Variants in TP53RK observed in about 807,000 individuals in gnomAD.
TP53RK encodes EKC/KEOPS complex subunit TP53RK.
Under a neutral mutation model 14.9 loss-of-function variants are expected in TP53RK, and 17 were observed. The ratio of observed to expected loss-of-function variants is 1.14; its 90% CI spans 0.78 to 1.71. The LOEUF (loss-of-function observed/expected upper bound fraction) is 1.71. TP53RK is among the 40% of genes most tolerant of loss of function. TP53RK has a pLI of 0.00. For missense variants in TP53RK, 343 were observed against 332.0 expected, an observed-to-expected ratio of 1.03 and a Z score of -0.26; for synonymous variants, 131 against 138.0, an observed-to-expected ratio of 0.95 and a Z score of 0.36.
chr20:46,689,424 G>C lies in TP53RK; in HGVS notation c.-10C>G, dbSNP rs1321114638. Reference sequence around the variant, plus strand: ...CTCTGGCCGCCGCCATGACTGCTCGGCGCAACAGCTCCAACCGATCAGCTG... The same window carrying C: ...CTCTGGCCGCCGCCATGACTGCTCGCCGCAACAGCTCCAACCGATCAGCTG... On this transcript the variant is annotated 5_prime_UTR_variant, in exon 1 of 2. Coordinates refer to ENST00000372114, the MANE Select transcript of TP53RK (RefSeq NM_033550.4). 1 of 1,543,102 alleles carries C rather than the reference G, an allele frequency of 6.5e-7. No homozygotes were observed. The highest frequency in any genetic ancestry group is 1.2e-5 in the South Asian group (1 of 82,544).
chr20:46,689,245 G>A lies in TP53RK; in HGVS notation c.170C>T (p.Ala57Val). 6.5e-7 allele frequency: 1 copy of A among 1,532,436 alleles called. No individual in the cohort carries two copies. Among genetic ancestry groups the A allele is most frequent in the Non-Finnish European group, 8.7e-7 (1 of 1,146,100 alleles). The allele number at this position is 1,532,436 out of a possible 1,614,324, so 94.9% of individuals were successfully genotyped here. Residue 57 changes from alanine to valine, a missense_variant, in exon 1 of 2, where the codon GCG (alanine) becomes GTG (valine). Coordinates refer to ENST00000372114, the MANE Select transcript of TP53RK (RefSeq NM_033550.4). ...VFRGRFQGRA[A>V]VIKHRFPKGY... ...CTTGGGGAAGCGGTGCTTGATCACCGCCGCGCGGCCCTGGAAGCGGCCACG... is the reference window on the plus strand; with the variant it reads ...CTTGGGGAAGCGGTGCTTGATCACCACCGCGCGGCCCTGGAAGCGGCCACG...
Position 46,686,673 on chromosome 20 carries a change from C to A in TP53RK, c.*80G>T. ...AATATCTTAACACCTTTACTTAGAT[C>A]TCATCTCATACTTGTAGCATTTCTT... On this transcript the variant is annotated 3_prime_UTR_variant, in exon 2 of 2. Coordinates refer to ENST00000372114, the MANE Select transcript of TP53RK (RefSeq NM_033550.4). 8.6e-7 allele frequency: 1 copy of A among 1,169,422 alleles called. No individual in the cohort carries two copies. The highest frequency in any genetic ancestry group is 1.2e-6 in the Non-Finnish European group (1 of 805,842). The allele number at this position is 1,169,422 out of a possible 1,614,324, so 72.4% of individuals were successfully genotyped here.
rs568244503 is a variant in TP53RK at position 46,689,243 on chromosome 20, C to A, written c.172G>T (p.Val58Leu). The change falls in exon 1 of 2, where the codon GTG becomes TTG. Residue 58 changes from valine (V) to leucine (L), a missense_variant. Physicochemically the swap from Val to Leu is conservative, Grantham distance 32. Coordinates refer to ENST00000372114, the MANE Select transcript of TP53RK (RefSeq NM_033550.4). ...CCCTTGGGGAAGCGGTGCTTGATCA[C>A]CGCCGCGCGGCCCTGGAAGCGGCCA... ...FRGRFQGRAA[V>L]IKHRFPKGYR... 216 of 1,532,472 alleles carry A rather than the reference C, an allele frequency of 1.4e-4. No homozygotes were observed. The African/African-American group carries it at 2.7e-3, about 19-fold the overall frequency. The allele number at this position is 1,532,472 out of a possible 1,614,324, so 94.9% of individuals were successfully genotyped here.
In TP53RK at chr20:46,689,366, G is replaced by C; in HGVS notation, c.49C>G (p.Pro17Ala). 1.9e-6 allele frequency: 3 copies of C among 1,577,820 alleles called. No homozygotes were observed. The highest frequency in any genetic ancestry group is 2.6e-6 in the Non-Finnish European group (3 of 1,171,830). Residue 17 changes from proline to alanine, a missense_variant, in exon 1 of 2, where the codon CCG (proline) becomes GCG (alanine). Pro to Ala is a conservative substitution (Grantham distance 27). Transcript: ENST00000372114. ...GCTGCGGCCAGAGCCTCAGCCTCCG[G>C]GGCGGGCTCCTCGCCATCGGCCGGC... ...TTPADGEEPAPEAEALAAARE... is the reference protein window; with the variant it reads ...TTPADGEEPAAEAEALAAARE...
Position 46,686,619 on chromosome 20 carries a change from G to A in TP53RK, c.*134C>T. ...GTAAGCTCTTGAGTGAAGTGCAGAT[G>A]ATAATGACACGATCACATACCACTT... On this transcript the variant is annotated 3_prime_UTR_variant, in exon 2 of 2. Coordinates refer to ENST00000372114, the MANE Select transcript of TP53RK (RefSeq NM_033550.4). 1.3e-6 allele frequency: 1 copy of A among 772,826 alleles called. No individual in the cohort carries two copies. The highest frequency in any genetic ancestry group is 2.1e-6 in the Non-Finnish European group (1 of 469,508). 47.9% of individuals were successfully genotyped at this position (772,826 alleles called of 1,614,324 possible).
At position 46,686,655 on chromosome 20, in the gene TP53RK, T is replaced by G; in HGVS notation, c.*98A>C. On this transcript the variant is annotated 3_prime_UTR_variant, in exon 2 of 2. Transcript: ENST00000372114. Reference sequence around the variant, plus strand: ...GATCACATACCACTTAAAAATATCTTAACACCTTTACTTAGATCTCATCTC... The same window carrying G: ...GATCACATACCACTTAAAAATATCTGAACACCTTTACTTAGATCTCATCTC... 9.8e-7 allele frequency: 1 copy of G among 1,020,328 alleles called. No homozygotes were observed. Among genetic ancestry groups the G allele is most frequent in the Non-Finnish European group, 1.5e-6 (1 of 680,986 alleles). The allele number at this position is 1,020,328 out of a possible 1,614,324, so 63.2% of individuals were successfully genotyped here.
chr20:46,684,576 CG>C lies in TP53RK; in HGVS notation c.*2176del, dbSNP rs970550954. 1.6e-4 allele frequency: 24 copies of C among 152,240 alleles called. No homozygotes were observed. The highest frequency in any genetic ancestry group is 5.3e-4 in the African/African-American group (22 of 41,532). 9.4% of individuals were successfully genotyped at this position (152,240 alleles called of 1,614,324 possible). ...GAGAACAGCACGGAGGTAGCCGCCC[CG>C]AGGATTAAATTACCTCCCACTGGGT... On this transcript the variant is annotated 3_prime_UTR_variant, in exon 2 of 2. Transcript: ENST00000372114.
intron 1 of TP53RK, among the ~76,000 whole-genome samples, chr20:46,688,300 C>T (rs2063189984): frequency 6.6e-6 from 1 of 152,164 alleles, no homozygotes. Context: ...TGTCCTGGTA[C>T]CCACTGGTAC....
At chr20:46,688,020 AT>A (rs2063188818) in intron 1 of TP53RK, among the ~76,000 whole-genome samples, 1 of 152,220 alleles carries the variant, frequency 6.6e-6, no homozygotes, top group Non-Finnish European at 1.5e-5. Context: ...ACAAGGAACA[AT>A]AGCTCCAATA....
chr20:46,688,741 G>A (rs2063192321), intron 1 of TP53RK, among the ~76,000 whole-genome samples: 1 of 152,256 alleles, frequency 6.6e-6, no homozygotes, highest in South Asian at 2.1e-4. Flanking sequence ...CAGGGAGCCT[G>A]GCTCCAGTGG....
In TP53RK at chr20:46,687,101, A is replaced by C; in HGVS notation, c.414T>G (p.Gly138=). The part of the protein sequence containing the change: ...STMETEKTPQ[G]LSNLAKTIGQ... ...CAATTGTCTTGGCTAAGTTGGAGAG[A>C]CCCTGGGGAGTTTTTTCAGTCTCCA... The change falls in exon 2 of 2, where the codon GGT becomes GGG. Residue 138 remains glycine, a synonymous_variant. Transcript: ENST00000372114. 3 of 1,614,046 alleles carry C rather than the reference A, an allele frequency of 1.9e-6. No individual in the cohort carries two copies. The highest frequency in any genetic ancestry group is 2.5e-6 in the Non-Finnish European group (3 of 1,180,028).
In TP53RK at chr20:46,684,838, T is replaced by C. The variant is rs372823495; in HGVS notation, c.*1915A>G. The C allele has an allele frequency of 8.5e-5, 13 of 152,350 alleles. No homozygotes were observed. The South Asian group carries it at 1.0e-3, about 12-fold the overall frequency. The allele number at this position is 152,350 out of a possible 1,614,324, so 9.4% of individuals were successfully genotyped here. Reference sequence around the variant, plus strand: ...CAGCTCCTGTGGCCCTTGGAGTTCCTTGAAAATAATGTTATACGCCAATAC... The same window carrying C: ...CAGCTCCTGTGGCCCTTGGAGTTCCCTGAAAATAATGTTATACGCCAATAC... On this transcript the variant is annotated 3_prime_UTR_variant, in exon 2 of 2. Coordinates refer to ENST00000372114, the MANE Select transcript of TP53RK (RefSeq NM_033550.4).
rs1453050705 is a variant in TP53RK at position 46,684,694 on chromosome 20, C to T, written c.*2059G>A. On this transcript the variant is annotated 3_prime_UTR_variant, in exon 2 of 2. Coordinates refer to ENST00000372114, the MANE Select transcript of TP53RK (RefSeq NM_033550.4). ...ACCCTATCAACTAGGGATTTGTTGACTTAATGCACACGAGCCAACCATACC... is the reference window on the plus strand; with the variant it reads ...ACCCTATCAACTAGGGATTTGTTGATTTAATGCACACGAGCCAACCATACC... The T allele has an allele frequency of 6.6e-6, 1 of 152,126 alleles. No homozygotes were observed. Among genetic ancestry groups the T allele is most frequent in the African/African-American group, 2.4e-5 (1 of 41,416 alleles). The allele number at this position is 152,126 out of a possible 1,614,324, so 9.4% of individuals were successfully genotyped here.
chr20:46,687,233 T>C lies in TP53RK; in HGVS notation c.284-2A>G. The C allele has an allele frequency of 6.3e-7, 1 of 1,577,456 alleles. No homozygotes were observed. Among genetic ancestry groups the C allele is most frequent in the Non-Finnish European group, 8.6e-7 (1 of 1,160,996 alleles). ...AAAAGACAACTGGGGCAGATATTCC[T>C]GAAATCAAGACATAAGTGGTTATTG... On this transcript the variant is annotated splice_acceptor_variant, in intron 1 of 1. Coordinates refer to ENST00000372114, the MANE Select transcript of TP53RK (RefSeq NM_033550.4). LOFTEE classifies it high-confidence loss of function.
At chr20:46,687,652 C>T (rs2063186728) in intron 1 of TP53RK, among the ~76,000 whole-genome samples, 1 of 152,132 alleles carries the variant, frequency 6.6e-6, no homozygotes, top group South Asian at 2.1e-4. Context: ...AAAAATTAGC[C>T]AGGTGTGGTG....
At chr20:46,688,389 T>C (rs2122964224) in intron 1 of TP53RK, among the ~76,000 whole-genome samples, 1 of 152,380 alleles carries the variant, frequency 6.6e-6, no homozygotes, top group African/African-American at 2.4e-5. Flanking sequence ...CATAAGGAGC[T>C]GAGGGCCTGG....
chr20:46,689,224 G>C lies in TP53RK; in HGVS notation c.191C>G (p.Pro64Arg). ...GRAAVIKHRF[P>R]KGYRHPALEA... ...CAGCGCCGGGTGCCGGTAGCCCTTG[G>C]GGAAGCGGTGCTTGATCACCGCCGC... The change falls in exon 1 of 2, where the codon CCC (proline) becomes CGC (arginine). Residue 64 changes from proline (P) to arginine (R), a missense_variant. Coordinates refer to ENST00000372114, the MANE Select transcript of TP53RK (RefSeq NM_033550.4). The C allele has an allele frequency of 6.5e-7, 1 of 1,529,396 alleles. No homozygotes were observed. Among genetic ancestry groups the C allele is most frequent in the Non-Finnish European group, 8.7e-7 (1 of 1,144,918 alleles). The allele number at this position is 1,529,396 out of a possible 1,614,324, so 94.7% of individuals were successfully genotyped here.
In TP53RK at chr20:46,685,676, T is replaced by TGTACCCAATACCCAACAGGGTGCCAA. The variant is rs1177454726; in HGVS notation, c.*1051_*1076dup. 1 of 152,206 alleles carries TGTACCCAATACCCAACAGGGTGCCAA rather than the reference T, an allele frequency of 6.6e-6. No homozygotes were observed. Among genetic ancestry groups the TGTACCCAATACCCAACAGGGTGCCAA allele is most frequent in the African/African-American group, 2.4e-5 (1 of 41,456 alleles). The allele number at this position is 152,206 out of a possible 1,614,324, so 9.4% of individuals were successfully genotyped here. ...GCGCTGTGTCTGTCTGGCTCACCATTGTACCCAATACCCAACAGGGTGCCA... is the reference window on the plus strand; with the variant it reads ...GCGCTGTGTCTGTCTGGCTCACCATTGTACCCAATACCCAACAGGGTGCCAAGTACCCAATACCCAACAGGGTGCCA... On this transcript the variant is annotated 3_prime_UTR_variant, in exon 2 of 2. Transcript: ENST00000372114.
Position 46,686,798 on chromosome 20 carries a change from T to A in TP53RK, c.717A>T (p.Leu239Phe). ...SKKARPVLKK[L>F]DEVRLRGRKR... ...TTCTTCCTCTCAGGCGCACTTCATC[T>A]AATTTTTTTAGCACTGGCCTGGCCT... Residue 239 changes from leucine (L) to phenylalanine (F), a missense_variant, in exon 2 of 2, where the codon TTA (leucine) becomes TTT (phenylalanine). Coordinates refer to ENST00000372114, the MANE Select transcript of TP53RK (RefSeq NM_033550.4). 6.2e-7 allele frequency: 1 copy of A among 1,614,230 alleles called. No individual in the cohort carries two copies. Among genetic ancestry groups the A allele is most frequent in the Non-Finnish European group, 8.5e-7 (1 of 1,180,036 alleles).
Sources: allele counts gnomAD v4.1 joint callset (sites outside exome capture counted in the v4.1 genomes callset), GRCh38; gene constraint gnomAD v4.1.1; transcripts MANE v1.5; gene names NCBI Gene and HGNC (gene_info 2026-07-23, HGNC 2026-07-21).